SYMPK: variants seen among roughly 807,000 people sequenced by gnomAD.
SYMPK encodes symplekin scaffold protein, also known as symplekin.
A neutral mutation model predicts 136.4 loss-of-function variants in SYMPK; 49 were observed. The observed-to-expected ratio is 0.36, with a 90% confidence interval of 0.29 to 0.46. The LOEUF is 0.46. Among genes scored for constraint, SYMPK ranks in the 20% least tolerant of loss-of-function variants. The pLI is 1.00. For missense variants in SYMPK, 1,365 were observed against 1,690.0 expected (o/e 0.81, Z 3.37); for synonymous variants, 766 against 713.0 (o/e 1.07, Z -1.19).
intron 9 of SYMPK, 93 bp from the exon 10 acceptor site, chr19:45,838,708 C>T: frequency 7.2e-7 from 1 of 1,384,918 alleles, no homozygotes; most frequent in South Asian, 1.4e-5. Flanking sequence ...TGCCTCTAGT[C>T]AGCCTCAGCA....
intron 5 of SYMPK, among the ~76,000 whole-genome samples, 186 bp from the exon 6 acceptor site, chr19:45,849,062 G>A (rs898720939): frequency 1.3e-5 from 2 of 152,104 alleles, no homozygotes; most frequent in Non-Finnish European, 2.9e-5. Context: ...TATCTAGACT[G>A]GTCCTGTAAC....
chr19:45,823,761 G>C lies in SYMPK; in HGVS notation c.2599+6C>G, dbSNP rs199847893. 1 of 1,611,516 alleles carries C rather than the reference G, an allele frequency of 6.2e-7. No homozygotes were observed. Reference sequence around the variant, plus strand: ...AGCCATGAAAGGTGGGGGTCTCCAGGGTCACCTTTGTCTGTGAGGCTGTGC... The same window carrying C: ...AGCCATGAAAGGTGGGGGTCTCCAGCGTCACCTTTGTCTGTGAGGCTGTGC... On this transcript the variant is annotated splice_donor_region_variant and intron_variant, in intron 19 of 26. Transcript: ENST00000245934.
At chr19:45,836,998 T>C (rs1442590938) in intron 10 of SYMPK, among the ~76,000 whole-genome samples, 5 of 152,066 alleles carry the variant, frequency 3.3e-5, no homozygotes, top group South Asian at 2.1e-4. Flanking sequence ...CTTGCTTACA[T>C]TGGAAAAGAT....
chr19:45,838,087 G>A (rs1318198503), intron 10 of SYMPK, among the ~76,000 whole-genome samples: 1 of 152,000 alleles, frequency 6.6e-6, no homozygotes, highest in Non-Finnish European at 1.5e-5. Context: ...GATCATGGGG[G>A]CAGATCCCTC....
Position 45,842,516 on chromosome 19 carries a change from T to C in SYMPK, c.848-27A>G, listed in dbSNP as rs762331051. The C allele has an allele frequency of 1.9e-5, 31 of 1,597,284 alleles. No individual in the cohort carries two copies. In the Admixed American group the frequency reaches 5.1e-4, roughly 26 times the overall value. Reference sequence around the variant, plus strand: ...TGTGAGGAAAGTGGCAGGAGCTGTGTCTTGTGGAAGATCTCATGGCATGCT... The same window carrying C: ...TGTGAGGAAAGTGGCAGGAGCTGTGCCTTGTGGAAGATCTCATGGCATGCT... On this transcript the variant is annotated intron_variant, in intron 8 of 26. Coordinates refer to ENST00000245934, the MANE Select transcript of SYMPK (RefSeq NM_004819.3).
intron 5 of SYMPK, among the ~76,000 whole-genome samples, chr19:45,850,750 G>A (rs1694951753): frequency 6.6e-6 from 1 of 152,144 alleles, no homozygotes; most frequent in African/African-American, 2.4e-5. Context: ...TGGGGACAAA[G>A]TGGCCAGCAA....
In SYMPK at chr19:45,844,122, T is replaced by A; in HGVS notation, c.755A>T (p.Asn252Ile). 1 of 1,612,182 alleles carries A rather than the reference T, an allele frequency of 6.2e-7. No individual in the cohort carries two copies. The highest frequency in any genetic ancestry group is 8.5e-7 in the Non-Finnish European group (1 of 1,179,266). Residue 252 changes from asparagine to isoleucine, a missense_variant, in exon 8 of 27, where the codon AAC (asparagine) becomes ATC (isoleucine). Asn to Ile is a moderately radical substitution (Grantham distance 149). This residue lies in a region of SYMPK where 237 missense variants were observed against 292.9 expected (regional missense o/e 0.81). Transcript: ENST00000245934. ...FMVHPAISSINLTTALGSLAN... is the reference protein window; with the variant it reads ...FMVHPAISSIILTTALGSLAN... ...AAGGGAGCCCAGCGCTGTGGTCAGG[T>A]TGATGGAGGAGATGGCAGGGTGCAC...
At position 45,827,523 on chromosome 19, in the gene SYMPK, T is replaced by C. The variant is rs1467283998; in HGVS notation, c.2168A>G (p.His723Arg). 3 of 1,613,566 alleles carry C rather than the reference T, an allele frequency of 1.9e-6. No individual in the cohort carries two copies. Among genetic ancestry groups the C allele is most frequent in the Non-Finnish European group, 2.5e-6 (3 of 1,179,686 alleles). The change falls in exon 16 of 27, where the codon CAT becomes CGT. Residue 723 changes from histidine to arginine, a missense_variant. This residue lies in a region of SYMPK where 303 missense variants were observed against 326.6 expected (regional missense o/e 0.93). Coordinates refer to ENST00000245934, the MANE Select transcript of SYMPK (RefSeq NM_004819.3). Reference sequence around the variant, plus strand: ...GGAGGGGATCACCTTGTCCTTCTCATGGGAGCTGAGGTCGAGGAGGACATG... The same window carrying C: ...GGAGGGGATCACCTTGTCCTTCTCACGGGAGCTGAGGTCGAGGAGGACATG... ...YLHVLLDLSS[H>R]EKDKVRSQAL...
In SYMPK at chr19:45,823,968, C is replaced by A; in HGVS notation, c.2491-93G>T. Reference sequence around the variant, plus strand: ...CAGGGTGGCTTGCGGGGCATGCTGGCGCCCAGGGTGAGACTGAGGTGACAG... The same window carrying A: ...CAGGGTGGCTTGCGGGGCATGCTGGAGCCCAGGGTGAGACTGAGGTGACAG... On this transcript the variant is annotated intron_variant, in intron 18 of 26. Transcript: ENST00000245934. 4 of 904,578 alleles carry A rather than the reference C, an allele frequency of 4.4e-6. No individual in the cohort carries two copies. In the South Asian group the frequency reaches 5.6e-5, roughly 13 times the overall value. 56.0% of individuals were successfully genotyped at this position (904,578 alleles called of 1,614,324 possible). A position where few individuals can be genotyped will look rare whatever the true frequency, so the allele number is the denominator to read the frequency against.
At chr19:45,825,020 C>T in intron 18 of SYMPK, 151 bp downstream of exon 18, 1 of 913,272 alleles carries the variant, frequency 1.1e-6, no homozygotes, top group Non-Finnish European at 1.6e-6. Context: ...GACATGCGGA[C>T]CGCCTGCAAG....
At chr19:45,832,620 G>A (rs114495900) in intron 11 of SYMPK, among the ~76,000 whole-genome samples, 1,710 of 152,244 alleles carry the variant, frequency 0.011, 33 homozygotes, top group African/African-American at 0.039. Flanking sequence ...CAATACCGGT[G>A]TGGATAAACA....
chr19:45,854,802 C>G, intron 1 of SYMPK: 1 of 413,668 alleles, frequency 2.4e-6, no homozygotes, highest in Non-Finnish European at 4.5e-6. Context: ...GAACGTGCAA[C>G]AGCCACCTTG....
intron 6 of SYMPK, 104 bp downstream of exon 6, chr19:45,848,646 G>A (rs931822482): frequency 1.3e-6 from 2 of 1,488,328 alleles, no homozygotes; most frequent in African/African-American, 2.8e-5. Context: ...GGCACATCTT[G>A]CCCATAAAGA....
chr19:45,853,395 T>G (rs1366116188), intron 3 of SYMPK, among the ~76,000 whole-genome samples: 1 of 152,154 alleles, frequency 6.6e-6, no homozygotes, highest in Admixed American at 6.6e-5. Context: ...CCCAGCAGTT[T>G]GCGGGGGCCA....
At chr19:45,846,189 T>A (rs368914704) in intron 7 of SYMPK, among the ~76,000 whole-genome samples, 1 of 152,208 alleles carries the variant, frequency 6.6e-6, no homozygotes, top group East Asian at 1.9e-4. Context: ...TGAGCCGAGA[T>A]AGCGCTACTG....
Position 45,831,467 on chromosome 19 carries a change from G to A in SYMPK, c.1515C>T (p.Ser505=), listed in dbSNP as rs756419520. Reference sequence around the variant, plus strand: ...CCTCCAGGGGGGACATGGAGCTCAGGGAACCCACCACCGAGATGGCTTGGC... The same window carrying A: ...CCTCCAGGGGGGACATGGAGCTCAGAGAACCCACCACCGAGATGGCTTGGC... ...AQGQAISVVG[S]LSSMSPLEEE... The change falls in exon 12 of 27, where the codon TCC becomes TCT. Residue 505 remains serine (S), a synonymous_variant. Transcript: ENST00000245934. 5 of 1,600,612 alleles carry A rather than the reference G, an allele frequency of 3.1e-6. No individual in the cohort carries two copies. Among genetic ancestry groups the A allele is most frequent in the South Asian group, 2.2e-5 (2 of 89,310 alleles).
Position 45,844,476 on chromosome 19 carries a change from C to T in SYMPK, c.677-276G>A, listed in dbSNP as rs531269074. 2.1e-3 allele frequency among the ~76,000 whole-genome samples: 312 copies of T among 152,180 alleles called. 1 individual carries two copies. Among genetic ancestry groups the T allele is most frequent in the African/African-American group, 7.0e-3 (290 of 41,522 alleles). The stretch of plus-strand genomic sequence containing the variant: ...TCACTTGAGGTCAGGAGTTCAAGAC[C>T]AGCCTGGCCAACATGGTAAAACCCC... On this transcript the variant is annotated intron_variant, in intron 7 of 26. Coordinates refer to ENST00000245934, the MANE Select transcript of SYMPK (RefSeq NM_004819.3).
At chr19:45,840,312 CAAAA>C (rs546768442) in intron 9 of SYMPK, among the ~76,000 whole-genome samples, 2 of 57,146 alleles carry the variant, frequency 3.5e-5, no homozygotes, top group African/African-American at 1.2e-4. Flanking sequence ...GAGACTGTCT[CAAAA>C]AAAAAAAAAA....
intron 17 of SYMPK, among the ~76,000 whole-genome samples, chr19:45,825,788 G>A (rs935538930): frequency 3.3e-5 from 5 of 152,100 alleles, no homozygotes; most frequent in African/African-American, 7.2e-5. Flanking sequence ...CCTGGTCCAC[G>A]GCACCTGCTC....
Sources: allele counts gnomAD v4.1 joint callset (sites outside exome capture counted in the v4.1 genomes callset), GRCh38; gene constraint gnomAD v4.1.1; regional missense constraint gnomAD v4.1.1; transcripts MANE v1.5; gene names NCBI Gene and HGNC (gene_info 2026-07-23, HGNC 2026-07-21).